ZFPM1: variants seen among roughly 807,000 people sequenced by gnomAD.
The protein encoded by ZFPM1 is zinc finger protein, FOG family member 1, also known as zinc finger protein ZFPM1.
In ZFPM1, 28 loss-of-function variants were observed where a neutral mutation model predicts 46.3. The observed-to-expected ratio is 0.60, with a 90% CI of 0.45 to 0.83. The LOEUF (loss-of-function observed/expected upper bound fraction) is 0.83, where lower values mean the gene tolerates loss of function less well. Ranked by LOEUF, ZFPM1 falls within the 40% of genes least tolerant of loss-of-function variation. The pLI, the probability that ZFPM1 is intolerant of heterozygous loss-of-function variation, is 0.00. For synonymous variants in ZFPM1, 957 were observed against 675.9 expected (o/e 1.42, Z -6.45); for missense variants, 1,878 against 1,432.4 (o/e 1.31, Z -5.02).
chr16:88,461,271 GT>G (rs1907876708), intron 1 of ZFPM1, among the ~76,000 whole-genome samples: 2 of 149,800 alleles, frequency 1.3e-5, no homozygotes, highest in South Asian at 2.1e-4. Context: ...GGACCGACGG[GT>G]GCGAGGCCTG....
chr16:88,535,377 C>A lies in ZFPM1; in HGVS notation c.*398C>A, dbSNP rs1052630351. 2 of 160,440 alleles carry A rather than the reference C, an allele frequency of 1.2e-5. No individual in the cohort carries two copies. The highest frequency in any genetic ancestry group is 1.3e-4 in the Admixed American group (2 of 15,486). 9.9% of individuals were successfully genotyped at this position (160,440 alleles called of 1,614,324 possible). A position where few individuals can be genotyped will look rare whatever the true frequency, so the allele number is the denominator to read the frequency against. On this transcript the variant is annotated 3_prime_UTR_variant, in exon 10 of 10. Transcript: ENST00000319555. ...AGGGCCAGCCGCTCTGGGCCTACCC[C>A]ACCCCAGCCCTGTCCATACCCCCCT...
intron 3 of ZFPM1, among the ~76,000 whole-genome samples, chr16:88,495,988 G>A (rs986823279): frequency 6.6e-6 from 1 of 152,192 alleles, no homozygotes; most frequent in South Asian, 2.1e-4. Flanking sequence ...TCCGGGGCAG[G>A]CTCCCAGCAG....
At chr16:88,517,536 ATGGATGAG>A (rs1911422464) in intron 4 of ZFPM1, among the ~76,000 whole-genome samples, 1 of 146,766 alleles carries the variant, frequency 6.8e-6, no homozygotes. Context: ...AGGTGGGTGG[ATGGATGAG>A]TGGGTGAGTG....
intron 1 of ZFPM1, among the ~76,000 whole-genome samples, chr16:88,458,795 G>A (rs1010599939): frequency 2.0e-5 from 3 of 152,168 alleles, no homozygotes; most frequent in Non-Finnish European, 4.4e-5. Flanking sequence ...TACAGCCACA[G>A]GTCTGCTCTC....
chr16:88,486,104 C>G, intron 2 of ZFPM1, 61 bp downstream of exon 2: 2 of 1,506,154 alleles, frequency 1.3e-6, no homozygotes, highest in Non-Finnish European at 1.8e-6. Context: ...CTTACCCGTA[C>G]CATGCCCTCA....
At position 88,474,022 on chromosome 16, in the gene ZFPM1, G is replaced by A. The variant is rs534971696; in HGVS notation, c.41-11917G>A. On this transcript the variant is annotated intron_variant, in intron 1 of 9. Coordinates refer to ENST00000319555, the MANE Select transcript of ZFPM1 (RefSeq NM_153813.3). ...GGGAGTGGCCGGGCCCAGAGATGGC[G>A]CCAACCTTCAGCGTCGATAAAGTTT... is the stretch of plus-strand genomic sequence containing the variant. Among the ~76,000 whole-genome samples, 6 of 152,368 alleles carry A rather than the reference G, an allele frequency of 3.9e-5. No individual in the cohort carries two copies. In the South Asian group the frequency reaches 1.0e-3, roughly 26 times the overall value.
At position 88,534,069 on chromosome 16, in the gene ZFPM1, A is replaced by G. The variant is rs754199882; in HGVS notation, c.2111A>G (p.Tyr704Cys). The G allele has an allele frequency of 4.4e-5, 55 of 1,257,900 alleles. No individual in the cohort carries two copies. Among genetic ancestry groups the G allele is most frequent in the Non-Finnish European group, 5.5e-5 (54 of 979,710 alleles). 77.9% of individuals were successfully genotyped at this position (1,257,900 alleles called of 1,614,324 possible). ...RHETYTVHKR[Y>C]YCASRHDPPP... The stretch of plus-strand genomic sequence containing the variant: ...GAGACCTACACCGTGCACAAGCGGT[A>G]CTACTGCGCCTCGCGCCACGACCCG... The change falls in exon 10 of 10, where the codon TAC becomes TGC. Residue 704 changes from tyrosine to cysteine, a missense_variant. Physicochemically the swap from Tyr to Cys is radical, Grantham distance 194. Coordinates refer to ENST00000319555, the MANE Select transcript of ZFPM1 (RefSeq NM_153813.3).
chr16:88,492,265 A>G (rs909852563), intron 3 of ZFPM1, among the ~76,000 whole-genome samples: 1 of 150,624 alleles, frequency 6.6e-6, no homozygotes, highest in African/African-American at 2.5e-5. Context: ...TTTCTGTTTT[A>G]TGGTCTCTGG....
chr16:88,526,815 G>T lies in ZFPM1; in HGVS notation c.404G>T (p.Ser135Ile). Residue 135 changes from serine (S) to isoleucine (I), a missense_variant and splice_region_variant, in exon 5 of 10, where the codon AGC (serine) becomes ATC (isoleucine). Ser to Ile is a moderately radical substitution (Grantham distance 142, BLOSUM62 -2). Transcript: ENST00000319555. ...RASSPRQAEP[S>I]PALTLLLVDE... is the part of the protein sequence containing the mutation. ...CGTGTTCCTACCCTCCCCCCCCAGA[G>T]CCCAGCCCTGACCCTGCTGCTGGTG... 9.6e-7 allele frequency: 1 copy of T among 1,046,370 alleles called. No individual in the cohort carries two copies. The highest frequency in any genetic ancestry group is 1.4e-6 in the Non-Finnish European group (1 of 718,032). 64.8% of individuals were successfully genotyped at this position (1,046,370 alleles called of 1,614,324 possible). A position where few individuals can be genotyped will look rare whatever the true frequency, so the allele number is the denominator to read the frequency against.
chr16:88,534,129 C>G lies in ZFPM1; in HGVS notation c.2171C>G (p.Pro724Arg), dbSNP rs972404718. The G allele has an allele frequency of 5.7e-5, 58 of 1,009,446 alleles. No homozygotes were observed. Among genetic ancestry groups the G allele is most frequent in the Middle Eastern group, 9.3e-4 (2 of 2,162 alleles). The allele number at this position is 1,009,446 out of a possible 1,614,324, so 62.5% of individuals were successfully genotyped here. ...PRRPAAPPGP[P>R]GPAAPPAPSP... The stretch of plus-strand genomic sequence containing the variant: ...CGACCGGCCGCGCCCCCGGGACCCC[C>G]TGGGCCGGCCGCGCCCCCGGCCCCC... The change falls in exon 10 of 10, where the codon CCT becomes CGT. Residue 724 changes from proline (P) to arginine (R), a missense_variant. By Grantham distance (103) the Pro-to-Arg change is moderately radical (BLOSUM62 -2). Transcript: ENST00000319555.
Position 88,534,987 on chromosome 16 carries a change from C to T in ZFPM1, c.*8C>T, listed in dbSNP as rs749437575. 117 of 1,411,188 alleles carry T rather than the reference C, an allele frequency of 8.3e-5. No individual in the cohort carries two copies. In the Middle Eastern group the frequency reaches 1.1e-3, roughly 14 times the overall value. 87.4% of individuals were successfully genotyped at this position (1,411,188 alleles called of 1,614,324 possible). A position where few individuals can be genotyped will look rare whatever the true frequency, so the allele number is the denominator to read the frequency against. ...GCCGAGCACGTGAAGTGAGCGCCCA[C>T]ACTACAGCCGCAGACGCTTTGCACG... On this transcript the variant is annotated 3_prime_UTR_variant, in exon 10 of 10. Coordinates refer to ENST00000319555, the MANE Select transcript of ZFPM1 (RefSeq NM_153813.3).
At chr16:88,506,833 CCCT>C (rs1182046958) in intron 3 of ZFPM1, among the ~76,000 whole-genome samples, 1 of 152,186 alleles carries the variant, frequency 6.6e-6, no homozygotes, top group South Asian at 2.1e-4. Flanking sequence ...ATCTGCAGAG[CCCT>C]CGAGTGGCTT....
chr16:88,532,512 C>T (rs1876742988), intron 7 of ZFPM1, 102 bp from the exon 8 acceptor site: 1 of 1,253,890 alleles, frequency 8.0e-7, no homozygotes, highest in Non-Finnish European at 1.1e-6. Flanking sequence ...GCACAGGGTC[C>T]CCCGGCACAG....
In ZFPM1 at chr16:88,533,366, C is replaced by A; in HGVS notation, c.1408C>A (p.Pro470Thr). The change falls in exon 10 of 10, where the codon CCG becomes ACG. Residue 470 changes from proline to threonine, a missense_variant. Coordinates refer to ENST00000319555, the MANE Select transcript of ZFPM1 (RefSeq NM_153813.3). ...RSIKVEAVEEPEAAPILGPGE... is the reference protein window; with the variant it reads ...RSIKVEAVEETEAAPILGPGE... ...CATCAAGGTGGAGGCGGTGGAGGAG[C>A]CGGAGGCGGCCCCCATCCTGGGCCC... 6.5e-7 allele frequency: 1 copy of A among 1,529,684 alleles called. No homozygotes were observed. The highest frequency in any genetic ancestry group is 2.5e-5 in the East Asian group (1 of 39,866). The allele number at this position is 1,529,684 out of a possible 1,614,324, so 94.8% of individuals were successfully genotyped here. A position where few individuals can be genotyped will look rare whatever the true frequency, so the allele number is the denominator to read the frequency against.
intron 4 of ZFPM1, among the ~76,000 whole-genome samples, chr16:88,520,163 G>A (rs947581066): frequency 3.5e-5 from 5 of 142,662 alleles, no homozygotes; most frequent in Non-Finnish European, 6.1e-5. Context: ...TGAATGGGTG[G>A]ATGCATGGGT....
chr16:88,473,427 G>T (rs983707931), intron 1 of ZFPM1, among the ~76,000 whole-genome samples: 13 of 152,238 alleles, frequency 8.5e-5, no homozygotes, highest in Non-Finnish European at 1.3e-4. Context: ...TGAGGGCGGG[G>T]TGAGGTGAAC....
intron 4 of ZFPM1, among the ~76,000 whole-genome samples, chr16:88,526,525 G>C (rs1597282235): frequency 6.6e-6 from 1 of 152,122 alleles, no homozygotes; most frequent in African/African-American, 2.4e-5. Flanking sequence ...CATGTTGCTC[G>C]ACCTCTTTGG....
intron 5 of ZFPM1, among the ~76,000 whole-genome samples, chr16:88,527,268 G>A (rs114563823): frequency 0.085 from 12,897 of 152,270 alleles, 639 homozygotes; most frequent in South Asian, 0.16. Flanking sequence ...CAGGGACCCC[G>A]ACACCAGACT....
intron 4 of ZFPM1, among the ~76,000 whole-genome samples, chr16:88,526,185 C>T (rs969078746): frequency 3.3e-5 from 5 of 152,346 alleles, no homozygotes; most frequent in Non-Finnish European, 5.9e-5. Context: ...CGCCGTGTGC[C>T]GGCCCCGGGA....
Sources: gnomAD v4.1 joint callset for allele counts (sites outside exome capture counted in the v4.1 genomes callset) on GRCh38, gnomAD v4.1.1 for gene constraint, MANE v1.5 for transcripts, NCBI Gene and HGNC (gene_info 2026-07-23, HGNC 2026-07-21) for gene names.